Variants in SON observed in about 807,000 individuals in gnomAD.
SON encodes the protein SON DNA and RNA binding protein.
In SON, 4 loss-of-function variants were observed where a neutral mutation model predicts 173.3. The observed-to-expected ratio is 0.02, with a 90% confidence interval of 0.01 to 0.05. The LOEUF is 0.05. SON is among the 10% of genes least tolerant of loss of function. The pLI is 1.00. For synonymous variants in SON, 1,190 were observed against 1,105.9 expected, an observed-to-expected ratio of 1.08 and a Z score of -1.51; for missense variants, 2,626 against 3,055.3, an observed-to-expected ratio of 0.86 and a Z score of 3.31.
chr21:33,544,996 A>G (rs1000166491), intron 1 of SON, among the ~76,000 whole-genome samples: 1 of 152,174 alleles, frequency 6.6e-6, no homozygotes, highest in Admixed American at 6.5e-5. Context: ...ATTATTTGCC[A>G]TTTCAGTGAG....
chr21:33,545,174 C>G lies in SON; in HGVS notation c.78-1039C>G, dbSNP rs536232500. On this transcript the variant is annotated intron_variant, in intron 1 of 11. Transcript: ENST00000356577. ...AGCTGTGTGACCTTCAGCTAAGTTT[C>G]TTCATTTATAAAAGAATAATAGTGG... Among the ~76,000 whole-genome samples the G allele has an allele frequency of 2.7e-4, 41 of 152,230 alleles. 1 individual carries two copies. In the South Asian group the frequency reaches 8.5e-3, roughly 32 times the overall value.
At chr21:33,572,609 C>T (rs2086308543) in intron 8 of SON, 1 of 1,304,064 alleles carries the variant, frequency 7.7e-7, no homozygotes, top group Non-Finnish European at 1.0e-6. Flanking sequence ...CTATTCACAA[C>T]ACTGCTGCTA....
Position 33,543,113 on chromosome 21 carries a change from G to C in SON, c.21G>C (p.Gln7His). 6.2e-7 allele frequency: 1 copy of C among 1,614,278 alleles called. No homozygotes were observed. The highest frequency in any genetic ancestry group is 8.5e-7 in the Non-Finnish European group (1 of 1,180,036). The change falls in exon 1 of 12, where the codon CAG (glutamine) becomes CAC (histidine). Residue 7 changes from glutamine (Q) to histidine (H), a missense_variant. Transcript: ENST00000356577. MATNIE[Q>H]IFRSFVVSKF... is the part of the protein sequence containing the mutation. ...ACGCCATGGCGACCAACATCGAGCA[G>C]ATTTTTAGGTCTTTCGTGGTCAGTA...
At chr21:33,548,145 T>A (rs1172195082) in intron 2 of SON, among the ~76,000 whole-genome samples, 1 of 152,220 alleles carries the variant, frequency 6.6e-6, no homozygotes. Context: ...AGTTGAATAC[T>A]CCCATCTCTT....
Position 33,577,099 on chromosome 21 carries a change from T to TCAG in SON, c.*678_*680dup, listed in dbSNP as rs1378087009. 6.4e-6 allele frequency: 1 copy of TCAG among 157,396 alleles called. No individual in the cohort carries two copies. The highest frequency in any genetic ancestry group is 1.4e-5 in the Non-Finnish European group (1 of 70,576). The allele number at this position is 157,396 out of a possible 1,614,324, so 9.7% of individuals were successfully genotyped here. On this transcript the variant is annotated 3_prime_UTR_variant, in exon 12 of 12. Transcript: ENST00000356577. ...AAGAAAGTGGTATGTTGTGTGATGATCAGCACTAAGTCCTGCATTCCTGTT... is the reference window on the plus strand; with the variant it reads ...AAGAAAGTGGTATGTTGTGTGATGATCAGCAGCACTAAGTCCTGCATTCCTGTT...
chr21:33,572,027 T>TA (rs1409201493), intron 8 of SON: 3 of 152,154 alleles, frequency 2.0e-5, no homozygotes, highest in Non-Finnish European at 2.9e-5. Context: ...AAACAAAAGA[T>TA]GATAGATACA....
In SON at chr21:33,557,332, TTTG is replaced by T; in HGVS notation, c.6321+19_6321+21del. 1 of 1,613,034 alleles carries T rather than the reference TTTG, an allele frequency of 6.2e-7. No individual in the cohort carries two copies. Among genetic ancestry groups the T allele is most frequent in the Non-Finnish European group, 8.5e-7 (1 of 1,179,486 alleles). On this transcript the variant is annotated intron_variant, in intron 4 of 11. Coordinates refer to ENST00000356577, the MANE Select transcript of SON (RefSeq NM_138927.4). ...ACTAACTGAGGTAAGCTAGACAGAA[TTTG>T]TTTTCATTCTTAAATGGATTATTCC... is the stretch of plus-strand genomic sequence containing the variant.
chr21:33,568,884 T>A lies in SON; in HGVS notation c.6769-87T>A. 5.4e-6 allele frequency: 4 copies of A among 740,470 alleles called. No homozygotes were observed. In the South Asian group the frequency reaches 7.2e-5, roughly 13 times the overall value. 45.9% of individuals were successfully genotyped at this position (740,470 alleles called of 1,614,324 possible). On this transcript the variant is annotated intron_variant, in intron 7 of 11. Transcript: ENST00000356577. Reference sequence around the variant, plus strand: ...TTAAAAGTTAAATATTTAAGTCTGCTTTTCAGCCATTTTTAGTGAATTATT... The same window carrying A: ...TTAAAAGTTAAATATTTAAGTCTGCATTTCAGCCATTTTTAGTGAATTATT...
In SON at chr21:33,551,882, A is replaced by G. The variant is rs2085802617; in HGVS notation, c.2651A>G (p.Gln884Arg). 1 of 1,613,976 alleles carries G rather than the reference A, an allele frequency of 6.2e-7. No homozygotes were observed. Among genetic ancestry groups the G allele is most frequent in the African/African-American group, 1.3e-5 (1 of 74,884 alleles). The change falls in exon 3 of 12, where the codon CAG (glutamine) becomes CGG (arginine). Residue 884 changes from glutamine (Q) to arginine (R), a missense_variant. Gln to Arg is a conservative substitution (Grantham distance 43, BLOSUM62 1). Coordinates refer to ENST00000356577, the MANE Select transcript of SON (RefSeq NM_138927.4). ...TTAGCTTCTGGCACCATGGATGCTC[A>G]GATGTTAGCGTCTGGTACCATGGAT... ...QMLASGTMDA[Q>R]MLASGTMDAQ...
rs766809102 is a variant in SON, at chr21:33,553,997, C to G, written c.4766C>G (p.Ala1589Gly). Residue 1589 changes from alanine (A) to glycine (G), a missense_variant, in exon 3 of 12, where the codon GCA becomes GGA. Transcript: ENST00000356577. ...DTYPGVSEAD[A>G]GETLSSTGPF... is the part of the protein sequence containing the mutation. ...TACCCTGGTGTTAGTGAAGCTGATG[C>G]AGGAGAAACTCTATCTTCTACTGGT... 3 of 1,614,090 alleles carry G rather than the reference C, an allele frequency of 1.9e-6. No individual in the cohort carries two copies. Among genetic ancestry groups the G allele is most frequent in the Non-Finnish European group, 2.5e-6 (3 of 1,179,980 alleles).
Position 33,550,962 on chromosome 21 carries a change from G to A in SON, c.1731G>A (p.Ser577=), listed in dbSNP as rs2085764930. Residue 577 remains serine, a synonymous_variant, in exon 3 of 12, where the codon TCG becomes TCA. Coordinates refer to ENST00000356577, the MANE Select transcript of SON (RefSeq NM_138927.4). ...TGCCAGAGTTGCCAGGGCTGCCTTC[G>A]GCAACTAGGGCACTGGAGTTGTCGG... ...TGVPELPGLP[S]ATRALELSGQ... The A allele has an allele frequency of 1.9e-6, 3 of 1,604,170 alleles. No homozygotes were observed. Among genetic ancestry groups the A allele is most frequent in the Non-Finnish European group, 2.6e-6 (3 of 1,173,132 alleles).
chr21:33,543,151 T>G lies in SON; in HGVS notation c.59T>G (p.Ile20Ser). 1 of 1,614,102 alleles carries G rather than the reference T, an allele frequency of 6.2e-7. No homozygotes were observed. The highest frequency in any genetic ancestry group is 1.7e-5 in the Admixed American group (1 of 60,032). The change falls in exon 1 of 12, where the codon ATT becomes AGT. Residue 20 changes from isoleucine (I) to serine (S), a missense_variant. Ile to Ser is a moderately radical substitution (Grantham distance 142). Transcript: ENST00000356577. ...TTCGTGGTCAGTAAATTCCGGGAAA[T>G]TCAACAGGAGCTTTCCAGGTAAACG... is the stretch of plus-strand genomic sequence containing the variant. Reference protein sequence around the residue: ...RSFVVSKFREIQQELSSGRNE... With the variant: ...RSFVVSKFRESQQELSSGRNE...
At chr21:33,569,218 CT>C in intron 8 of SON, 131 bp downstream of exon 8, 1 of 591,432 alleles carries the variant, frequency 1.7e-6, no homozygotes, top group Non-Finnish European at 3.1e-6. Flanking sequence ...TGTGTATATG[CT>C]CCAGGGCGGA....
At chr21:33,565,860 T>G (rs2086159892) in intron 6 of SON, among the ~76,000 whole-genome samples, 1 of 152,182 alleles carries the variant, frequency 6.6e-6, no homozygotes, top group African/African-American at 2.4e-5. Flanking sequence ...AAGAAAAACC[T>G]TGAGTTAGCT....
At chr21:33,572,656 T>TAA (rs1290165117) in intron 8 of SON, 1 of 1,211,920 alleles carries the variant, frequency 8.3e-7, no homozygotes, top group East Asian at 5.7e-5. Context: ...AGGAGTTTTT[T>TAA]AAAAGTCTTT....
At chr21:33,569,368 G>A in intron 8 of SON, 1 of 372,320 alleles carries the variant, frequency 2.7e-6, no homozygotes, top group Non-Finnish European at 5.2e-6. Flanking sequence ...AACGCTAATA[G>A]TGTATCAGGT....
At chr21:33,573,606 C>CTCT (rs2086335005) in intron 9 of SON, 151 bp downstream of exon 9, 2 of 589,818 alleles carry the variant, frequency 3.4e-6, no homozygotes, top group Non-Finnish European at 5.6e-6. Context: ...TTGGGGTTCA[C>CTCT]AGAGCAGCTT....
chr21:33,551,868 C>A lies in SON; in HGVS notation c.2637C>A (p.Gly879=). ...GTMDSQMLAS[G]TMDAQMLASG... The stretch of plus-strand genomic sequence containing the variant: ...TGGACTCTCAAATGTTAGCTTCTGG[C>A]ACCATGGATGCTCAGATGTTAGCGT... Residue 879 remains glycine (G), a synonymous_variant, in exon 3 of 12, where the codon GGC becomes GGA. Coordinates refer to ENST00000356577, the MANE Select transcript of SON (RefSeq NM_138927.4). 6.2e-7 allele frequency: 1 copy of A among 1,614,004 alleles called. No individual in the cohort carries two copies. Among genetic ancestry groups the A allele is most frequent in the Non-Finnish European group, 8.5e-7 (1 of 1,179,986 alleles).
intron 6 of SON, among the ~76,000 whole-genome samples, chr21:33,562,933 G>A (rs914862144): frequency 3.9e-5 from 6 of 152,062 alleles, no homozygotes; most frequent in Admixed American, 3.3e-4. Context: ...GGGTCCAGAG[G>A]TAGTATTGTT....
Sources: allele counts gnomAD v4.1 joint callset (sites outside exome capture counted in the v4.1 genomes callset), GRCh38; gene constraint gnomAD v4.1.1; transcripts MANE v1.5; gene names NCBI Gene and HGNC (gene_info 2026-07-23, HGNC 2026-07-21).